DNAH11: variants seen among roughly 807,000 people sequenced by gnomAD.
The protein encoded by DNAH11 is dynein axonemal heavy chain 11, also known as axonemal beta dynein heavy chain 11.
A neutral mutation model predicts 526.0 loss-of-function variants in DNAH11; 442 were observed. The observed-to-expected ratio is 0.84, with a 90% CI of 0.78 to 0.91. The LOEUF (loss-of-function observed/expected upper bound fraction) is 0.91. Ranked by LOEUF, DNAH11 falls within the 40% of genes least tolerant of loss-of-function variation. DNAH11 has a pLI of 0.00. For missense variants in DNAH11, 6,989 were observed against 5,448.7 expected (o/e 1.28, Z -8.90); for synonymous variants, 2,461 against 1,935.9 (o/e 1.27, Z -7.12).
intron 65 of DNAH11, among the ~76,000 whole-genome samples, chr7:21,836,215 A>T (rs988384998): frequency 5.9e-5 from 9 of 152,166 alleles, no homozygotes; most frequent in Non-Finnish European, 1.0e-4. Context: ...TTATGAAAAT[A>T]CCAACGACAT....
At chr7:21,763,624 G>T (rs1787029557) in intron 54 of DNAH11, among the ~76,000 whole-genome samples, 1 of 151,358 alleles carries the variant, frequency 6.6e-6, no homozygotes, top group Admixed American at 6.6e-5. Context: ...AAACAGAATT[G>T]CCATAAGATC....
chr7:21,773,009 A>G (rs1383012255), intron 55 of DNAH11, among the ~76,000 whole-genome samples: 1 of 152,222 alleles, frequency 6.6e-6, no homozygotes, highest in Non-Finnish European at 1.5e-5. Flanking sequence ...TTTAATTCAT[A>G]TTAATTGATT....
intron 44 of DNAH11, among the ~76,000 whole-genome samples, chr7:21,722,671 G>T (rs374289433): frequency 1.7e-4 from 26 of 152,164 alleles, no homozygotes; most frequent in African/African-American, 6.3e-4. Flanking sequence ...GCTTTCTAAA[G>T]ATTAGCAGCC....
At chr7:21,784,187 G>C (rs1191075759) in intron 57 of DNAH11, among the ~76,000 whole-genome samples, 1 of 152,160 alleles carries the variant, frequency 6.6e-6, no homozygotes, top group Non-Finnish European at 1.5e-5. Context: ...TTTTCTTGGA[G>C]CATTTTGGAA....
chr7:21,585,126 C>T (rs1033915653), intron 9 of DNAH11, among the ~76,000 whole-genome samples: 1 of 151,898 alleles, frequency 6.6e-6, no homozygotes, highest in African/African-American at 2.4e-5. Context: ...AGATATTTGA[C>T]CTGTTTACTG....
chr7:21,673,300 A>G (rs1782718528), intron 30 of DNAH11, among the ~76,000 whole-genome samples: 1 of 152,198 alleles, frequency 6.6e-6, no homozygotes, highest in Non-Finnish European at 1.5e-5. Context: ...GTGTGATCTC[A>G]GGCAGGTAAT....
intron 8 of DNAH11, among the ~76,000 whole-genome samples, chr7:21,579,940 A>G (rs1784249848): frequency 6.6e-6 from 1 of 152,210 alleles, no homozygotes; most frequent in African/African-American, 2.4e-5. Context: ...GAGACTCCAG[A>G]GGTAGTTAGA....
chr7:21,599,166 C>G (rs991713729), intron 14 of DNAH11, among the ~76,000 whole-genome samples: 3 of 152,316 alleles, frequency 2.0e-5, no homozygotes, highest in Admixed American at 6.5e-5. Context: ...TCCACACTGT[C>G]TTCCACAGTG....
chr7:21,820,148 A>G (rs997504135), intron 65 of DNAH11, among the ~76,000 whole-genome samples: 14 of 152,152 alleles, frequency 9.2e-5, no homozygotes, highest in African/African-American at 2.9e-4. Flanking sequence ...TATGAGTGCC[A>G]GTGGAGTCCT....
chr7:21,674,028 T>TTGTGTGTGTGTGTG (rs59263134), intron 30 of DNAH11, among the ~76,000 whole-genome samples: 22 of 137,252 alleles, frequency 1.6e-4, no homozygotes, highest in African/African-American at 5.0e-4. Flanking sequence ...CTGTTTTGTT[T>TTGTGTGTGTGTGTG]TGTGTGTGTG....
chr7:21,566,833 C>T (rs1419323470), intron 6 of DNAH11, among the ~76,000 whole-genome samples: 2 of 152,096 alleles, frequency 1.3e-5, no homozygotes, highest in Non-Finnish European at 2.9e-5. Flanking sequence ...ATTATTAAAG[C>T]ATTTTTATTT....
chr7:21,773,700 A>ATTTTTTTTTTTTTT, intron 55 of DNAH11, 66 bp from the exon 56 acceptor site: 1 of 1,056,040 alleles, frequency 9.5e-7, no homozygotes, highest in Non-Finnish European at 1.3e-6. Context: ...CATTTACTTG[A>ATTTTTTTTTTTTTT]TTTTTTTTAA....
chr7:21,880,755 T>A lies in DNAH11; in HGVS notation c.12249T>A (p.Ser4083=), dbSNP rs533689890. 4 of 1,614,008 alleles carry A rather than the reference T, an allele frequency of 2.5e-6. No homozygotes were observed. In the South Asian group the frequency reaches 4.4e-5, roughly 18 times the overall value. The change falls in exon 75 of 82, where the codon TCT becomes TCA. Residue 4083 remains serine, a synonymous_variant. Coordinates refer to ENST00000409508, the MANE Select transcript of DNAH11 (RefSeq NM_001277115.2). ...KEQEFKSILF[S]LCYFHACVAG... Reference sequence around the variant, plus strand: ...AGGAGTTTAAAAGCATCCTTTTTTCTCTCTGCTACTTCCACGCCTGTGTTG... The same window carrying A: ...AGGAGTTTAAAAGCATCCTTTTTTCACTCTGCTACTTCCACGCCTGTGTTG...
intron 65 of DNAH11, among the ~76,000 whole-genome samples, chr7:21,824,365 G>A (rs576108632): frequency 3.3e-5 from 5 of 152,114 alleles, no homozygotes; most frequent in Admixed American, 2.6e-4. Flanking sequence ...TCACATATTG[G>A]AATGATGTAT....
intron 23 of DNAH11, 21 bp from the exon 24 acceptor site, chr7:21,619,079 A>G (rs762679417): frequency 3.1e-6 from 5 of 1,612,876 alleles, no homozygotes; most frequent in East Asian, 4.5e-5. Flanking sequence ...TATAAAGTCT[A>G]ACTTTTTTTC....
chr7:21,617,513 T>A (rs1475389444), intron 22 of DNAH11, 106 bp from the exon 23 acceptor site: 15 of 1,328,418 alleles, frequency 1.1e-5, no homozygotes, highest in Non-Finnish European at 1.5e-5. Flanking sequence ...ATGCTTTCAC[T>A]CTTTTCTAAT....
Position 21,601,535 on chromosome 7 carries a change from C to CAGCTAGGT in DNAH11, c.3565_3566insAGCTAGGT (p.Leu1189GlnfsTer8). On this transcript the variant is annotated frameshift_variant, in exon 18 of 82. Coordinates refer to ENST00000409508, the MANE Select transcript of DNAH11 (RefSeq NM_001277115.2). LOFTEE classifies it high-confidence loss of function. ...AAGCCGACAGAGAGCTACTGATGAA[C>CAGCTAGGT]TCTTTGAACCTCTAAAAGAAACGAT... 1.2e-6 allele frequency: 2 copies of CAGCTAGGT among 1,613,320 alleles called. No homozygotes were observed.
chr7:21,785,745 A>G (rs149170857), intron 58 of DNAH11, among the ~76,000 whole-genome samples: 2 of 152,336 alleles, frequency 1.3e-5, no homozygotes, highest in Non-Finnish European at 2.9e-5. Flanking sequence ...CTCAATTCTT[A>G]CTAGCATATT....
chr7:21,739,423 C>G (rs894251593), intron 47 of DNAH11, 148 bp from the exon 48 acceptor site: 1 of 585,920 alleles, frequency 1.7e-6, no homozygotes, highest in Admixed American at 3.6e-5. Flanking sequence ...GTTTTGATGT[C>G]TCTCAAATAA....
Sources: gnomAD v4.1 joint callset for allele counts (sites outside exome capture counted in the v4.1 genomes callset) on GRCh38, gnomAD v4.1.1 for gene constraint, MANE v1.5 for transcripts, NCBI Gene and HGNC (gene_info 2026-07-23, HGNC 2026-07-21) for gene names.